KHDRBS2: variants seen among roughly 807,000 people sequenced by gnomAD.
KHDRBS2 encodes KH domain-containing, RNA-binding, signal transduction-associated protein 2.
A neutral mutation model predicts 44.3 loss-of-function variants in KHDRBS2; 26 were observed. The ratio of observed to expected loss-of-function variants is 0.59; its 90% CI spans 0.43 to 0.81. The LOEUF (loss-of-function observed/expected upper bound fraction) is 0.81. Among genes scored for constraint, KHDRBS2 ranks in the 40% least tolerant of loss-of-function variants. The pLI is 0.00. For missense variants in KHDRBS2, 476 were observed against 433.1 expected (o/e 1.10, Z -0.88); for synonymous variants, 194 against 151.1 (o/e 1.28, Z -2.08).
chr6:62,161,121 T>C (rs1423954030), intron 2 of KHDRBS2, among the ~76,000 whole-genome samples: 1 of 152,058 alleles, frequency 6.6e-6, no homozygotes, highest in Admixed American at 6.6e-5. Flanking sequence ...TTCATCCATG[T>C]TGCAGCATGT....
chr6:61,918,189 A>T (rs1435280427), intron 4 of KHDRBS2, among the ~76,000 whole-genome samples: 3 of 152,000 alleles, frequency 2.0e-5, no homozygotes, highest in Middle Eastern at 3.2e-3. Context: ...TATACCATTT[A>T]AGTTATTCCT....
chr6:61,561,001 C>A, the KHDRBS2 span, among the ~76,000 whole-genome samples: 3 of 152,050 alleles, frequency 2.0e-5, no homozygotes, highest in African/African-American at 7.2e-5. Context: ...GTGCTGTGAT[C>A]TAAGTTTTTG....
intron 4 of KHDRBS2, among the ~76,000 whole-genome samples, chr6:61,953,548 G>A (rs1372098304): frequency 1.3e-5 from 2 of 152,050 alleles, no homozygotes; most frequent in East Asian, 1.9e-4. Flanking sequence ...TTTTGACATA[G>A]CTGCTCCCTT....
At chr6:61,677,949 A>G (rs1766037479), downstream of KHDRBS2, among the ~76,000 whole-genome samples, 1 of 151,848 alleles carries the variant, frequency 6.6e-6, no homozygotes, top group Admixed American at 6.6e-5. Flanking sequence ...CCCCCATCAT[A>G]AGGAATCTCC....
At chr6:61,606,184 G>T in the KHDRBS2 span, among the ~76,000 whole-genome samples, 1 of 151,968 alleles carries the variant, frequency 6.6e-6, no homozygotes, top group Admixed American at 6.6e-5. Flanking sequence ...GTCTCTTTTC[G>T]GACTCAGCCT....
rs1314858021 is a variant in KHDRBS2, at chr6:62,252,108, GTTCC to G, written c.91+33746_91+33749del. Among the ~76,000 whole-genome samples the G allele has an allele frequency of 9.2e-5, 14 of 151,792 alleles. No individual in the cohort carries two copies. In the East Asian group the frequency reaches 2.1e-3, roughly 23 times the overall value. On this transcript the variant is annotated intron_variant, in intron 1 of 8. Coordinates refer to ENST00000281156, the MANE Select transcript of KHDRBS2 (RefSeq NM_152688.4). ...GGTATAATAAAATTTTTAGAAATGT[GTTCC>G]TTCCTTCAGGTTTTGATATTTTTAA... is the stretch of plus-strand genomic sequence containing the variant.
At chr6:61,811,864 T>C (rs1251971600) in intron 6 of KHDRBS2, among the ~76,000 whole-genome samples, 3 of 152,136 alleles carry the variant, frequency 2.0e-5, no homozygotes, top group Non-Finnish European at 4.4e-5. Context: ...ATCTGATGTT[T>C]CTTCATGTAC....
chr6:61,720,851 C>A (rs1285046396), intron 7 of KHDRBS2, among the ~76,000 whole-genome samples: 1 of 150,912 alleles, frequency 6.6e-6, no homozygotes, highest in East Asian at 2.0e-4. Context: ...GAAGTCCTTG[C>A]CCATGCCTAT....
chr6:61,897,991 C>A (rs1394716656), intron 5 of KHDRBS2, among the ~76,000 whole-genome samples: 1 of 151,866 alleles, frequency 6.6e-6, no homozygotes, highest in Non-Finnish European at 1.5e-5. Context: ...ATTATTATTA[C>A]AATATATAGA....
intron 4 of KHDRBS2, among the ~76,000 whole-genome samples, chr6:61,961,977 G>GATATATAT (rs3076263): frequency 4.0e-5 from 6 of 150,572 alleles, no homozygotes; most frequent in African/African-American, 1.5e-4. Flanking sequence ...TTTATGTGGA[G>GATATATAT]ATATATATAT....
At chr6:61,578,208 C>T in the KHDRBS2 span, among the ~76,000 whole-genome samples, 12 of 152,136 alleles carry the variant, frequency 7.9e-5, no homozygotes, top group African/African-American at 2.6e-4. Flanking sequence ...CAGCAAACAC[C>T]GCAATTACTT....
the KHDRBS2 span, among the ~76,000 whole-genome samples, chr6:61,563,447 T>C: frequency 1.8e-4 from 27 of 152,262 alleles, 1 homozygote; most frequent in African/African-American, 6.0e-4. Flanking sequence ...AATTATTGCC[T>C]TACAGAGATT....
intron 2 of KHDRBS2, among the ~76,000 whole-genome samples, chr6:62,106,606 T>G (rs1327236969): frequency 6.6e-6 from 1 of 152,166 alleles, no homozygotes. Context: ...TAACTCATTT[T>G]ATGAGGCCAG....
At chr6:62,071,540 G>A (rs559067196) in intron 2 of KHDRBS2, among the ~76,000 whole-genome samples, 2 of 152,280 alleles carry the variant, frequency 1.3e-5, no homozygotes, top group South Asian at 4.1e-4. Context: ...AAGAGATCCA[G>A]TTTCAGCTTT....
chr6:62,178,621 CTG>C (rs923189723), intron 1 of KHDRBS2, among the ~76,000 whole-genome samples: 4 of 151,544 alleles, frequency 2.6e-5, no homozygotes, highest in Non-Finnish European at 5.9e-5. Flanking sequence ...CGTTAAAAGA[CTG>C]TGTAGTTACA....
chr6:61,875,860 ATATTT>A (rs1165339596), intron 6 of KHDRBS2, among the ~76,000 whole-genome samples: 3 of 151,746 alleles, frequency 2.0e-5, no homozygotes, highest in Non-Finnish European at 4.4e-5. Flanking sequence ...TTACCCTCTT[ATATTT>A]ATTTATTAAA....
chr6:62,266,822 T>C (rs1221741087), intron 1 of KHDRBS2, among the ~76,000 whole-genome samples: 2 of 152,012 alleles, frequency 1.3e-5, no homozygotes, highest in African/African-American at 2.4e-5. Flanking sequence ...CGAGGATTAG[T>C]AGAGTTTGAA....
At chr6:61,745,662 C>A (rs1015240092) in intron 6 of KHDRBS2, among the ~76,000 whole-genome samples, 5 of 151,930 alleles carry the variant, frequency 3.3e-5, no homozygotes, top group African/African-American at 1.2e-4. Context: ...TTTTTCACTT[C>A]TAAGTACCAA....
intron 4 of KHDRBS2, among the ~76,000 whole-genome samples, chr6:61,962,988 T>G (rs536808820): frequency 2.0e-5 from 3 of 152,220 alleles, no homozygotes; most frequent in Admixed American, 1.3e-4. Context: ...TGCTAAATAT[T>G]TGTGCTGGCC....
Sources: gnomAD v4.1 joint callset for allele counts (sites outside exome capture counted in the v4.1 genomes callset) on GRCh38, gnomAD v4.1.1 for gene constraint, MANE v1.5 for transcripts, NCBI Gene and HGNC (gene_info 2026-07-23, HGNC 2026-07-21) for gene names.